The following HECTD4 variants were observed in gnomAD, a reference collection of about 807,000 sequenced individuals.
HECTD4 encodes the protein probable E3 ubiquitin-protein ligase HECTD4.
In HECTD4, 114 loss-of-function variants were observed where a neutral mutation model predicts 471.5. The observed-to-expected ratio is 0.24, with a 90% CI of 0.21 to 0.28. The LOEUF is 0.28. Among genes scored for constraint, HECTD4 ranks in the 10% least tolerant of loss-of-function variants. The probability of loss-of-function intolerance (pLI) is 1.00; values close to 1 mark genes in which losing one functional copy is unlikely to be tolerated. For missense variants in HECTD4, 3,866 were observed against 5,651.5 expected, an observed-to-expected ratio of 0.68 and a Z score of 10.13; for synonymous variants, 2,012 against 2,256.0, an observed-to-expected ratio of 0.89 and a Z score of 3.07.
At chr12:112,293,008 A>C (rs573394097) in intron 7 of HECTD4, among the ~76,000 whole-genome samples, 49 of 145,218 alleles carry the variant, frequency 3.4e-4, no homozygotes, top group Non-Finnish European at 6.4e-4. Context: ...GGCAGCAATG[A>C]GAGACTCCAT....
intron 7 of HECTD4, among the ~76,000 whole-genome samples, chr12:112,300,938 G>A (rs1198550760): frequency 6.6e-6 from 1 of 151,466 alleles, no homozygotes; most frequent in African/African-American, 2.4e-5. Context: ...AGGCTAGAGT[G>A]CAGTGGCACA....
chr12:112,280,165 T>C (rs1254569874), intron 8 of HECTD4, among the ~76,000 whole-genome samples: 1 of 152,246 alleles, frequency 6.6e-6, no homozygotes, highest in Non-Finnish European at 1.5e-5. Context: ...TAATGAAAGC[T>C]TTCACAATAT....
In HECTD4 at chr12:112,319,328, A is replaced by G; in HGVS notation, c.592T>C (p.Leu198=). 6.5e-7 allele frequency: 1 copy of G among 1,536,146 alleles called. No homozygotes were observed. The highest frequency in any genetic ancestry group is 1.2e-5 in the South Asian group (1 of 84,062). The part of the protein sequence containing the change: ...PADCLNGIET[L]LCSWLEETSD... ...GTCTCCTCTAGCCAAGAGCACAGCA[A>G]AGTTTCAATTCCATTGAGACAGTCA... is the stretch of plus-strand genomic sequence containing the variant. The change falls in exon 2 of 76, where the codon TTG becomes CTG. Residue 198 remains leucine, a synonymous_variant. Transcript: ENST00000682272. The surrounding 1 kb of genome is among the most constrained non-coding windows in gnomAD (Gnocchi z 5.3).
chr12:112,379,717 TTA>T (rs56053560), intron 1 of HECTD4, among the ~76,000 whole-genome samples: 40 of 147,458 alleles, frequency 2.7e-4, no homozygotes, highest in East Asian at 5.9e-4. Context: ...AAAAGATTTT[TTA>T]TATATATATA....
In HECTD4 at chr12:112,163,840, G is replaced by C. The variant is rs2136994576; in HGVS notation, c.12702-103C>G. The C allele has an allele frequency of 8.9e-7, 1 of 1,117,432 alleles. No homozygotes were observed. Among genetic ancestry groups the C allele is most frequent in the Non-Finnish European group, 1.2e-6 (1 of 829,552 alleles). The allele number at this position is 1,117,432 out of a possible 1,614,324, so 69.2% of individuals were successfully genotyped here. A position where few individuals can be genotyped will look rare whatever the true frequency, so the allele number is the denominator to read the frequency against. On this transcript the variant is annotated intron_variant, in intron 73 of 75. Coordinates refer to ENST00000682272, the MANE Select transcript of HECTD4 (RefSeq NM_001388303.1). The surrounding 1 kb of genome is among the most constrained non-coding windows in gnomAD (Gnocchi z 8.2). ...AGGTCCCGGATCCTCTCTTGGGAGA[G>C]GCCTGGGGCCCAGCCGCCCTGGTCA...
intron 44 of HECTD4, among the ~76,000 whole-genome samples, chr12:112,225,535 C>T (rs566991025): frequency 8.1e-5 from 12 of 148,282 alleles, no homozygotes; most frequent in East Asian, 7.8e-4. Context: ...GGAAACAAAA[C>T]GGCAAATGAA....
chr12:112,327,186 G>A (rs905796293), intron 1 of HECTD4, among the ~76,000 whole-genome samples: 10 of 152,036 alleles, frequency 6.6e-5, no homozygotes, highest in Non-Finnish European at 7.4e-5. Context: ...GTGTGGTGGC[G>A]CATGCCTGTA....
chr12:112,317,287 T>C (rs989233049), intron 2 of HECTD4, among the ~76,000 whole-genome samples: 1 of 152,180 alleles, frequency 6.6e-6, no homozygotes, highest in African/African-American at 2.4e-5. Context: ...TTAGGGGATC[T>C]AAAACTAGGC....
At position 112,248,413 on chromosome 12, in the gene HECTD4, T is replaced by C. The variant is rs544295015; in HGVS notation, c.4050A>G (p.Gln1350=). The change falls in exon 26 of 76, where the codon CAA becomes CAG. Residue 1350 remains glutamine (Q), a synonymous_variant. Transcript: ENST00000682272. The part of the protein sequence containing the change: ...VDALQSLINF[Q]YQEEHAEEYD... ...ATTCTTCAGCATGTTCTTCTTGATATTGGAAATTTATTAGAGACTGCAGTG... is the reference window on the plus strand; with the variant it reads ...ATTCTTCAGCATGTTCTTCTTGATACTGGAAATTTATTAGAGACTGCAGTG... 4.1e-5 allele frequency: 66 copies of C among 1,611,370 alleles called. No homozygotes were observed. In the East Asian group the frequency reaches 1.1e-3, roughly 26 times the overall value.
Position 112,179,410 on chromosome 12 carries a change from G to A in HECTD4, c.10988-13C>T. On this transcript the variant is annotated splice_polypyrimidine_tract_variant and intron_variant, in intron 62 of 75. Coordinates refer to ENST00000682272, the MANE Select transcript of HECTD4 (RefSeq NM_001388303.1). The surrounding 1 kb of genome is among the most constrained non-coding windows in gnomAD (Gnocchi z 4.3). ...ACCAGCTTCTCCCCTGTTGGATGGA[G>A]AGGGGGCAAAACAATTCTGCCGTGA... 1.3e-6 allele frequency: 2 copies of A among 1,599,958 alleles called. No homozygotes were observed. The highest frequency in any genetic ancestry group is 1.7e-6 in the Non-Finnish European group (2 of 1,171,712).
At chr12:112,170,802 T>C (rs2031185363) in intron 68 of HECTD4, 2 of 453,648 alleles carry the variant, frequency 4.4e-6, no homozygotes, top group Non-Finnish European at 7.8e-6. Context: ...GAGACTCATC[T>C]GTTAACAATG....
At chr12:112,203,840 A>G (rs1192258204) in intron 53 of HECTD4, 68 bp from the exon 54 acceptor site, 14 of 936,868 alleles carry the variant, frequency 1.5e-5, no homozygotes, top group Non-Finnish European at 2.2e-5. Context: ...TACATTTAGC[A>G]TCTAAAATAG....
chr12:112,183,765 T>C (rs1052796502), intron 61 of HECTD4, among the ~76,000 whole-genome samples: 5 of 152,244 alleles, frequency 3.3e-5, no homozygotes, highest in Admixed American at 2.6e-4. Flanking sequence ...AGTGGAACTA[T>C]GACTCACTAG....
At chr12:112,282,449 A>T (rs1399052402) in intron 8 of HECTD4, among the ~76,000 whole-genome samples, 1 of 152,180 alleles carries the variant, frequency 6.6e-6, no homozygotes, top group East Asian at 1.9e-4. Flanking sequence ...TGTATATAGT[A>T]TACTACCTTC....
Position 112,184,937 on chromosome 12 carries a change from G to A in HECTD4, c.10029C>T (p.Ile3343=). ...TVDSDPTVLS[I]GGSKPEDMLW... is the part of the protein sequence containing the mutation. ...GCATGTCCTCGGGCTTGCTGCCTCC[G>A]ATGCTGAGCACGGTGGGGTCCGAGT... Residue 3343 remains isoleucine (I), a synonymous_variant, in exon 61 of 76, where the codon ATC becomes ATT. Transcript: ENST00000682272. This position sits in a 1 kb window ranked among gnomAD's most constrained non-coding sequence, Gnocchi z 9.1. 6.2e-7 allele frequency: 1 copy of A among 1,613,816 alleles called. No individual in the cohort carries two copies. Among genetic ancestry groups the A allele is most frequent in the Non-Finnish European group, 8.5e-7 (1 of 1,179,870 alleles).
chr12:112,358,722 G>A (rs1368121372), intron 1 of HECTD4, among the ~76,000 whole-genome samples: 4 of 152,094 alleles, frequency 2.6e-5, no homozygotes, highest in Non-Finnish European at 5.9e-5. Flanking sequence ...AAAATTTAGA[G>A]GAGATACTGT....
chr12:112,171,297 G>T, intron 67 of HECTD4, 34 bp from the exon 68 acceptor site: 1 of 1,573,184 alleles, frequency 6.4e-7, no homozygotes, highest in Non-Finnish European at 8.6e-7. Flanking sequence ...CTGAGATCTC[G>T]GCCAGGTGGC....
At chr12:112,356,423 TTTTG>T (rs973333508) in intron 1 of HECTD4, among the ~76,000 whole-genome samples, 6 of 152,100 alleles carry the variant, frequency 3.9e-5, no homozygotes, top group African/African-American at 1.4e-4. Flanking sequence ...GGTGTGTGTT[TTTTG>T]TTTGTTTGTT....
chr12:112,259,294 C>T, intron 18 of HECTD4, 29 bp from the exon 19 acceptor site: 1 of 1,610,578 alleles, frequency 6.2e-7, no homozygotes, highest in Non-Finnish European at 8.5e-7. Context: ...AAACACACAG[C>T]CTAAGCAATG....
Sources: allele counts gnomAD v4.1 joint callset (sites outside exome capture counted in the v4.1 genomes callset), GRCh38; gene constraint gnomAD v4.1.1; non-coding constraint Gnocchi (gnomAD v3.1); transcripts MANE v1.5; gene names NCBI Gene and HGNC (gene_info 2026-07-23, HGNC 2026-07-21).